The following NDUFAF2 variants were observed in gnomAD, a reference collection of about 807,000 sequenced individuals.
NDUFAF2 encodes the protein NADH:ubiquinone oxidoreductase complex assembly factor 2, also known as NADH dehydrogenase [ubiquinone] 1 alpha subcomplex assembly factor 2.
NDUFAF2 carries 13 observed loss-of-function variants against 22.8 expected under a neutral mutation model. The ratio of observed to expected loss-of-function variants is 0.57; its 90% CI spans 0.37 to 0.91. NDUFAF2 has a LOEUF of 0.91. NDUFAF2 is among the 40% of genes least tolerant of loss of function. The probability of loss-of-function intolerance (pLI) is 0.01; values close to 1 mark genes in which losing one functional copy is unlikely to be tolerated. For synonymous variants in NDUFAF2, 53 were observed against 64.2 expected (o/e 0.83, Z 0.84); for missense variants, 162 against 195.2 (o/e 0.83, Z 1.01).
intron 3 of NDUFAF2, among the ~76,000 whole-genome samples, chr5:61,132,078 G>T (rs1012233123): frequency 3.3e-5 from 5 of 152,084 alleles, no homozygotes; most frequent in African/African-American, 1.2e-4. Context: ...AATGGCAAGC[G>T]GATTAAATGA....
intron 1 of NDUFAF2, among the ~76,000 whole-genome samples, chr5:60,956,566 T>C (rs1485144338): frequency 6.6e-6 from 1 of 152,220 alleles, no homozygotes; most frequent in Non-Finnish European, 1.5e-5. Context: ...AAGGACTGAA[T>C]TTTGTTAAAT....
intron 2 of NDUFAF2, among the ~76,000 whole-genome samples, chr5:61,075,535 A>T (rs978688468): frequency 2.6e-5 from 4 of 152,148 alleles, no homozygotes; most frequent in African/African-American, 9.7e-5. Flanking sequence ...TTTTCCAATA[A>T]TAGTATAGAA....
At chr5:60,990,599 C>G (rs1433343034) in intron 1 of NDUFAF2, among the ~76,000 whole-genome samples, 1 of 152,048 alleles carries the variant, frequency 6.6e-6, no homozygotes, top group East Asian at 1.9e-4. Context: ...AATCCTCCTG[C>G]CTTTATCTTT....
intron 1 of NDUFAF2, among the ~76,000 whole-genome samples, chr5:61,068,858 A>C (rs1466192242): frequency 6.6e-6 from 1 of 152,120 alleles, no homozygotes; most frequent in Non-Finnish European, 1.5e-5. Flanking sequence ...AGTCATCTGA[A>C]AGTCTGGCAA....
intron 3 of NDUFAF2, among the ~76,000 whole-genome samples, chr5:61,136,408 T>C (rs1000260580): frequency 1.3e-5 from 2 of 152,124 alleles, no homozygotes; most frequent in Non-Finnish European, 2.9e-5. Context: ...TTCCTCTCTC[T>C]CCAGTACAGT....
intron 1 of NDUFAF2, among the ~76,000 whole-genome samples, chr5:61,020,547 ATGTGTGTGTGTGTG>A (rs68178917): frequency 1.4e-5 from 2 of 148,040 alleles, no homozygotes; most frequent in East Asian, 4.0e-4. Context: ...GGGTTTTGTT[ATGTGTGTGTGTGTG>A]TGTGTGTGTG....
chr5:61,007,607 A>G (rs924762026), intron 1 of NDUFAF2, among the ~76,000 whole-genome samples: 1 of 152,226 alleles, frequency 6.6e-6, no homozygotes, highest in South Asian at 2.1e-4. Flanking sequence ...ACGAGATACC[A>G]TCTCACACCA....
At chr5:60,950,106 C>T (rs952202455) in intron 1 of NDUFAF2, among the ~76,000 whole-genome samples, 2 of 152,064 alleles carry the variant, frequency 1.3e-5, no homozygotes, top group Admixed American at 6.6e-5. Flanking sequence ...AGATGAGCCT[C>T]CAGTATAATG....
chr5:61,004,774 C>T (rs1423575944), intron 1 of NDUFAF2, among the ~76,000 whole-genome samples: 1 of 151,980 alleles, frequency 6.6e-6, no homozygotes, highest in Non-Finnish European at 1.5e-5. Flanking sequence ...GAAGTTAAAA[C>T]TTTTCTGAGA....
chr5:61,104,015 G>A (rs139708615), intron 3 of NDUFAF2, among the ~76,000 whole-genome samples: 23 of 152,184 alleles, frequency 1.5e-4, no homozygotes, highest in African/African-American at 4.3e-4. Context: ...TAATGTAAGC[G>A]TTCTGAGCAT....
Position 60,994,116 on chromosome 5 carries a change from G to C in NDUFAF2, c.127+48734G>C, listed in dbSNP as rs1487471552. ...GAGGGGGCTGAGGTGGCGGGGGCTG[G>C]CATGTCAGCACTGCCCTGATCATGG... On this transcript the variant is annotated intron_variant, in intron 1 of 3. Coordinates refer to ENST00000296597, the MANE Select transcript of NDUFAF2 (RefSeq NM_174889.5). Among the ~76,000 whole-genome samples the C allele has an allele frequency of 2.0e-5, 3 of 152,226 alleles. No homozygotes were observed. The East Asian group carries it at 5.8e-4, about 29-fold the overall frequency.
chr5:61,137,080 A>G (rs1740973151), intron 3 of NDUFAF2, among the ~76,000 whole-genome samples: 1 of 152,170 alleles, frequency 6.6e-6, no homozygotes, highest in African/African-American at 2.4e-5. Context: ...CACTTTCTAG[A>G]CCATTCTTTC....
At chr5:61,127,879 G>T (rs111848022) in intron 3 of NDUFAF2, among the ~76,000 whole-genome samples, 217 of 152,196 alleles carry the variant, frequency 1.4e-3, no homozygotes, top group Non-Finnish European at 2.6e-3. Flanking sequence ...TGACATGATT[G>T]TATATCTAGA....
At chr5:60,983,055 A>G (rs1249489907) in intron 1 of NDUFAF2, among the ~76,000 whole-genome samples, 4 of 151,034 alleles carry the variant, frequency 2.6e-5, no homozygotes, top group East Asian at 2.0e-4. Flanking sequence ...ATCCTCTCCA[A>G]CACCTGTTGT....
chr5:61,129,126 T>C (rs905338055), intron 3 of NDUFAF2, among the ~76,000 whole-genome samples: 11 of 152,148 alleles, frequency 7.2e-5, no homozygotes, highest in Non-Finnish European at 4.4e-5. Context: ...ATGGCGATCA[T>C]TAAAAAGTCA....
At chr5:61,081,782 T>C (rs951419118) in intron 2 of NDUFAF2, among the ~76,000 whole-genome samples, 3 of 152,228 alleles carry the variant, frequency 2.0e-5, no homozygotes, top group African/African-American at 7.2e-5. Flanking sequence ...AAAACTTACA[T>C]ACCATTGGGA....
chr5:61,031,341 T>C (rs538751377), intron 1 of NDUFAF2, among the ~76,000 whole-genome samples: 13 of 152,128 alleles, frequency 8.5e-5, no homozygotes, highest in Non-Finnish European at 1.5e-4. Flanking sequence ...GTGTGTGATG[T>C]TCCCCTATCT....
At chr5:61,004,717 G>A (rs2112593098) in intron 1 of NDUFAF2, among the ~76,000 whole-genome samples, 1 of 152,114 alleles carries the variant, frequency 6.6e-6, no homozygotes, top group East Asian at 1.9e-4. Flanking sequence ...ACCAGTCATA[G>A]AGAGAGACAT....
At position 61,054,290 on chromosome 5, in the gene NDUFAF2, A is replaced by G. The variant is rs539759164; in HGVS notation, c.128-18835A>G. On this transcript the variant is annotated intron_variant, in intron 1 of 3. Transcript: ENST00000296597. Reference sequence around the variant, plus strand: ...TTTTTAAATATATTCACATTGTAAAAACAACTGTAGTTTTTGAATTAGGAA... The same window carrying G: ...TTTTTAAATATATTCACATTGTAAAGACAACTGTAGTTTTTGAATTAGGAA... Among the ~76,000 whole-genome samples, 209 of 152,214 alleles carry G rather than the reference A, an allele frequency of 1.4e-3. 1 individual carries two copies. The highest frequency in any genetic ancestry group is 2.0e-3 in the Non-Finnish European group (137 of 68,022).
Sources: gnomAD v4.1 joint callset for allele counts (sites outside exome capture counted in the v4.1 genomes callset) on GRCh38, gnomAD v4.1.1 for gene constraint, MANE v1.5 for transcripts, NCBI Gene and HGNC (gene_info 2026-07-23, HGNC 2026-07-21) for gene names.